Variants in UACA observed in about 807,000 individuals in gnomAD.
UACA encodes uveal autoantigen with coiled-coil domains and ankyrin repeats.
A neutral mutation model predicts 160.5 loss-of-function variants in UACA; 112 were observed. That is an observed-to-expected ratio of 0.70 (90% CI 0.60 to 0.82). UACA has a LOEUF of 0.82. Among genes scored for constraint, UACA ranks in the 40% least tolerant of loss-of-function variants. UACA has a pLI of 0.00. For missense variants in UACA, 1,574 were observed against 1,614.6 expected, an observed-to-expected ratio of 0.97 and a Z score of 0.43; for synonymous variants, 557 against 568.4, an observed-to-expected ratio of 0.98 and a Z score of 0.29.
intron 3 of UACA, 75 bp from the exon 4 acceptor site, chr15:70,691,438 T>C (rs1456733628): frequency 1.7e-6 from 2 of 1,149,034 alleles, no homozygotes; most frequent in Non-Finnish European, 2.5e-6. Flanking sequence ...AGAAATATGA[T>C]TCTTTTTTCC....
chr15:70,691,066 G>A (rs1007178913), intron 4 of UACA, among the ~76,000 whole-genome samples: 3 of 152,132 alleles, frequency 2.0e-5, no homozygotes, highest in African/African-American at 7.2e-5. Flanking sequence ...ATGTCAACAG[G>A]AAGGTCAAGC....
intron 16 of UACA, 44 bp from the exon 17 acceptor site, chr15:70,664,858 T>C (rs374456900): frequency 5.2e-6 from 8 of 1,540,156 alleles, no homozygotes; most frequent in South Asian, 4.8e-5. Context: ...TCACTTATCA[T>C]GTACAATGAA....
At chr15:70,690,771 T>C (rs1178746366) in intron 4 of UACA, among the ~76,000 whole-genome samples, 1 of 152,036 alleles carries the variant, frequency 6.6e-6, no homozygotes, top group African/African-American at 2.4e-5. Flanking sequence ...ATATGTATTG[T>C]TTGGGGTTTT....
chr15:70,668,983 G>C lies in UACA; in HGVS notation c.1701C>G (p.Ile567Met). 6.2e-7 allele frequency: 1 copy of C among 1,613,678 alleles called. No homozygotes were observed. Among genetic ancestry groups the C allele is most frequent in the Middle Eastern group, 1.7e-4 (1 of 6,058 alleles). ...CTTCTACTATCATCTCATTTTGTTT[G>C]ATTTGGTTTCTTAATTTCCCCACTT... ...SAEVGKLRNQ[I>M]KQNEMIVEEF... The change falls in exon 16 of 19, where the codon ATC becomes ATG. Residue 567 changes from isoleucine to methionine, a missense_variant. By Grantham distance (10) the Ile-to-Met change is conservative. Coordinates refer to ENST00000322954, the MANE Select transcript of UACA (RefSeq NM_018003.4).
chr15:70,672,936 A>G (rs1168255417), intron 13 of UACA, among the ~76,000 whole-genome samples: 1 of 152,148 alleles, frequency 6.6e-6, no homozygotes, highest in Non-Finnish European at 1.5e-5. Context: ...CTCTACTAAA[A>G]ATACAAAAAA....
chr15:70,687,735 C>T lies in UACA; in HGVS notation c.495+15G>A. ...ATGCATGAGTTGAAATGAGAATAAA[C>T]ATAAACTAACTTACTACATCTTTGG... On this transcript the variant is annotated intron_variant, in intron 6 of 18. Coordinates refer to ENST00000322954, the MANE Select transcript of UACA (RefSeq NM_018003.4). 5 of 1,613,570 alleles carry T rather than the reference C, an allele frequency of 3.1e-6. No individual in the cohort carries two copies. The highest frequency in any genetic ancestry group is 4.2e-6 in the Non-Finnish European group (5 of 1,179,656).
intron 1 of UACA, among the ~76,000 whole-genome samples, chr15:70,712,681 G>A (rs1257008275): frequency 6.6e-6 from 1 of 152,172 alleles, no homozygotes; most frequent in African/African-American, 2.4e-5. Context: ...CAGAAATGGA[G>A]TCACTAGGAG....
intron 18 of UACA, among the ~76,000 whole-genome samples, chr15:70,658,698 C>T (rs1056144871): frequency 1.3e-5 from 2 of 152,140 alleles, no homozygotes; most frequent in African/African-American, 4.8e-5. Context: ...AATACCGCAC[C>T]CCCTCCCAAC....
upstream of UACA, among the ~76,000 whole-genome samples, chr15:70,768,518 A>G (rs1198306618): frequency 6.6e-6 from 1 of 152,238 alleles, no homozygotes; most frequent in African/African-American, 2.4e-5. Flanking sequence ...CACACAATCC[A>G]GAAGTACCCT....
chr15:70,711,547 C>T (rs983652942), intron 1 of UACA, among the ~76,000 whole-genome samples: 26 of 151,616 alleles, frequency 1.7e-4, no homozygotes, highest in African/African-American at 6.3e-4. Context: ...AACACCTATG[C>T]GCAAAGGGAT....
At chr15:70,763,617 T>A (rs1430466813), upstream of UACA, 5 of 1,035,640 alleles carry the variant, frequency 4.8e-6, no homozygotes, top group Non-Finnish European at 6.2e-6. Context: ...GGCGGGGGCG[T>A]GGCAAACCGC....
chr15:70,704,909 T>G (rs909345304), intron 1 of UACA, among the ~76,000 whole-genome samples: 2 of 152,142 alleles, frequency 1.3e-5, no homozygotes, highest in African/African-American at 4.8e-5. Context: ...AACAAATTTA[T>G]AGATTAAAAA....
At chr15:70,670,074 G>A (rs780377404) in intron 15 of UACA, among the ~76,000 whole-genome samples, 6 of 152,178 alleles carry the variant, frequency 3.9e-5, no homozygotes, top group Non-Finnish European at 8.8e-5. Context: ...GTCACAGCCA[G>A]CACCAGGGAA....
chr15:70,766,477 T>C (rs2141024164), upstream of UACA, among the ~76,000 whole-genome samples: 1 of 152,260 alleles, frequency 6.6e-6, no homozygotes, highest in East Asian at 1.9e-4. Flanking sequence ...TTATTTACAA[T>C]ATATACCAGG....
In UACA at chr15:70,709,851, C is replaced by T. The variant is rs112554950; in HGVS notation, c.79-10191G>A. Among the ~76,000 whole-genome samples the T allele has an allele frequency of 9.4e-3, 1,434 of 152,084 alleles. 21 individuals carry two copies. Among genetic ancestry groups the T allele is most frequent in the African/African-American group, 0.033 (1,365 of 41,488 alleles). On this transcript the variant is annotated intron_variant, in intron 1 of 18. Coordinates refer to ENST00000322954, the MANE Select transcript of UACA (RefSeq NM_018003.4). ...AAAATGATTAGGTAACTAGTTTTAG[C>T]CTAAAGGTAATTTATATAGGATGAT...
intron 8 of UACA, 144 bp downstream of exon 8, chr15:70,684,121 C>T: frequency 1.6e-6 from 1 of 638,452 alleles, no homozygotes; most frequent in South Asian, 2.8e-5. Flanking sequence ...TAAGCAAATC[C>T]ATGTTGTAGA....
At position 70,669,453 on chromosome 15, in the gene UACA, G is replaced by A; in HGVS notation, c.1231C>T (p.Pro411Ser). The A allele has an allele frequency of 6.4e-7, 1 of 1,564,574 alleles. No homozygotes were observed. Among genetic ancestry groups the A allele is most frequent in the East Asian group, 2.3e-5 (1 of 44,270 alleles). ...MYMADSQCTS[P>S]GIPAHMQSRS... The stretch of plus-strand genomic sequence containing the variant: ...CTTTGCATATGGGCTGGTATACCTG[G>A]GGAAGTACACTGAAAAGAAAAAAAA... The change falls in exon 16 of 19, where the codon CCA becomes TCA. Residue 411 changes from proline to serine, a missense_variant. Pro to Ser is a moderately conservative substitution (Grantham distance 74). Coordinates refer to ENST00000322954, the MANE Select transcript of UACA (RefSeq NM_018003.4).
intron 7 of UACA, among the ~76,000 whole-genome samples, chr15:70,685,619 C>T (rs1566974851): frequency 6.6e-6 from 1 of 152,074 alleles, no homozygotes; most frequent in African/African-American, 2.4e-5. Context: ...AAACCATATG[C>T]TATTTAGTCT....
chr15:70,710,187 CG>C (rs1354700963), intron 1 of UACA, among the ~76,000 whole-genome samples: 2 of 152,026 alleles, frequency 1.3e-5, no homozygotes, highest in Non-Finnish European at 2.9e-5. Context: ...CCTGGGAAGT[CG>C]GGGCTGCAGT....
Sources: gnomAD v4.1 joint callset for allele counts (sites outside exome capture counted in the v4.1 genomes callset) on GRCh38, gnomAD v4.1.1 for gene constraint, MANE v1.5 for transcripts, NCBI Gene and HGNC (gene_info 2026-07-23, HGNC 2026-07-21) for gene names.